RAD51AP1: variants seen among roughly 807,000 people sequenced by gnomAD.
RAD51AP1 encodes the protein RAD51-associated protein 1.
Under a neutral mutation model 34.3 loss-of-function variants are expected in RAD51AP1, and 14 were observed. That is an observed-to-expected ratio of 0.41 (90% confidence interval 0.27 to 0.64). RAD51AP1 has a LOEUF of 0.64. RAD51AP1 is among the 30% of genes least tolerant of loss of function. The pLI, the probability that RAD51AP1 is intolerant of heterozygous loss-of-function variation, is 0.33. For synonymous variants in RAD51AP1, 114 were observed against 129.8 expected, an observed-to-expected ratio of 0.88 and a Z score of 0.83; for missense variants, 348 against 386.9, an observed-to-expected ratio of 0.90 and a Z score of 0.84.
At chr12:4,541,803 A>G in intron 1 of RAD51AP1, 81 bp from the exon 2 acceptor site, 1 of 525,484 alleles carries the variant, frequency 1.9e-6, no homozygotes, top group Non-Finnish European at 3.2e-6. Flanking sequence ...AAATAAATAA[A>G]TAATATTCAT....
At chr12:4,540,553 TAAA>T (rs34322898) in intron 1 of RAD51AP1, among the ~76,000 whole-genome samples, 5 of 125,268 alleles carry the variant, frequency 4.0e-5, no homozygotes, top group East Asian at 2.4e-4. Context: ...CTCTTAAAAG[TAAA>T]AAAAAAAAAA....
Position 4,553,715 on chromosome 12 carries a change from A to G in RAD51AP1, c.721+568A>G, listed in dbSNP as rs551732408. On this transcript the variant is annotated intron_variant, in intron 7 of 8. Transcript: ENST00000352618. The stretch of plus-strand genomic sequence containing the variant: ...GATAAAACGTTTAAAATTTATGGTG[A>G]CTCGAACATGGAATACCTGTTTCTT... Among the ~76,000 whole-genome samples the G allele has an allele frequency of 2.0e-5, 3 of 151,688 alleles. No individual in the cohort carries two copies. The East Asian group carries it at 5.8e-4, about 29-fold the overall frequency.
rs147926434 is a variant in RAD51AP1, at chr12:4,538,955, A to G, written c.16A>G (p.Arg6Gly). The change falls in exon 1 of 9, where the codon AGA becomes GGA. Residue 6 changes from arginine (R) to glycine (G), a missense_variant and splice_region_variant. Coordinates refer to ENST00000352618, the MANE Select transcript of RAD51AP1 (RefSeq NM_006479.5). The stretch of plus-strand genomic sequence containing the variant: ...GAAAGGGACCATGGTGCGGCCTGTG[A>G]GGTGGGTAGTTCCTGACATTCGTCG... MVRPV[R>G]HKKPVNYSQF... 6 of 1,613,980 alleles carry G rather than the reference A, an allele frequency of 3.7e-6. No homozygotes were observed. The African/African-American group carries it at 8.0e-5, about 22-fold the overall frequency.
At chr12:4,554,916 G>T (rs372883449) in intron 7 of RAD51AP1, among the ~76,000 whole-genome samples, 1 of 152,254 alleles carries the variant, frequency 6.6e-6, no homozygotes, top group East Asian at 1.9e-4. Context: ...TTAAAAATCA[G>T]TTCCTCAGTT....
intron 7 of RAD51AP1, among the ~76,000 whole-genome samples, chr12:4,553,872 C>G (rs943359297): frequency 6.6e-6 from 1 of 151,920 alleles, no homozygotes; most frequent in African/African-American, 2.4e-5. Flanking sequence ...AATATATATG[C>G]TATTGATATT....
At chr12:4,553,997 T>C (rs1258766177) in intron 7 of RAD51AP1, among the ~76,000 whole-genome samples, 3 of 152,194 alleles carry the variant, frequency 2.0e-5, no homozygotes, top group Non-Finnish European at 4.4e-5. Flanking sequence ...GATTGAGTTA[T>C]ATTCTTCTCT....
chr12:4,558,761 T>C lies in RAD51AP1; in HGVS notation c.872-96T>C, dbSNP rs1174231567. ...TGATAGACACTGGAAAGCAGAATAA[T>C]GCTTAACTACCTTTTTTTTGCTGCT... On this transcript the variant is annotated intron_variant, in intron 8 of 8. Transcript: ENST00000352618. 42 of 1,444,696 alleles carry C rather than the reference T, an allele frequency of 2.9e-5. No homozygotes were observed. The East Asian group carries it at 8.9e-4, about 31-fold the overall frequency. The allele number at this position is 1,444,696 out of a possible 1,614,324, so 89.5% of individuals were successfully genotyped here.
At position 4,556,503 on chromosome 12, in the gene RAD51AP1, G is replaced by A. The variant is rs371887719; in HGVS notation, c.871+1G>A. 1.2e-6 allele frequency: 2 copies of A among 1,611,622 alleles called. No individual in the cohort carries two copies. Among genetic ancestry groups the A allele is most frequent in the African/African-American group, 2.7e-5 (2 of 74,712 alleles). ...AAGAAACCTAAATGGGTCCCACCAG[G>A]TATGGCATATTTATCATCAAGGACA... On this transcript the variant is annotated splice_donor_variant, in intron 8 of 8. Coordinates refer to ENST00000352618, the MANE Select transcript of RAD51AP1 (RefSeq NM_006479.5). LOFTEE classifies it high-confidence loss of function.
chr12:4,545,847 A>C (rs1453445894), intron 3 of RAD51AP1: 1 of 1,609,816 alleles, frequency 6.2e-7, no homozygotes, highest in Non-Finnish European at 8.5e-7. Flanking sequence ...GTGCTTGGTA[A>C]AATATTTGTT....
chr12:4,549,990 C>A (rs184438952), intron 6 of RAD51AP1, among the ~76,000 whole-genome samples: 1 of 152,148 alleles, frequency 6.6e-6, no homozygotes, highest in Non-Finnish European at 1.5e-5. Context: ...CCCCTGCATT[C>A]GCTTGTCCTG....
intron 5 of RAD51AP1, among the ~76,000 whole-genome samples, chr12:4,548,380 C>T (rs930115149): frequency 6.6e-6 from 1 of 152,176 alleles, no homozygotes; most frequent in African/African-American, 2.4e-5. Flanking sequence ...CATAACTACC[C>T]GTGGCTTCTA....
At position 4,553,876 on chromosome 12, in the gene RAD51AP1, T is replaced by C. The variant is rs147944906; in HGVS notation, c.721+729T>C. Among the ~76,000 whole-genome samples the C allele has an allele frequency of 3.7e-4, 57 of 152,312 alleles. No homozygotes were observed. In the East Asian group the frequency reaches 0.01, roughly 28 times the overall value. The stretch of plus-strand genomic sequence containing the variant: ...TTGGTTTATTTAATATATATGCTAT[T>C]GATATTAAAAGTTCCATTATTTAGT... On this transcript the variant is annotated intron_variant, in intron 7 of 8. Transcript: ENST00000352618.
chr12:4,540,345 C>T (rs945892060), intron 1 of RAD51AP1, among the ~76,000 whole-genome samples: 1 of 152,120 alleles, frequency 6.6e-6, no homozygotes, highest in Non-Finnish European at 1.5e-5. Flanking sequence ...GTCTACAGAC[C>T]TCTGTGGGTC....
At chr12:4,546,472 T>G in intron 4 of RAD51AP1, 54 bp downstream of exon 4, 2 of 1,344,898 alleles carry the variant, frequency 1.5e-6, no homozygotes, top group South Asian at 1.2e-5. Context: ...GCTTTTGTGA[T>G]TATTTGTTTG....
intron 2 of RAD51AP1, among the ~76,000 whole-genome samples, chr12:4,543,376 G>C (rs540094908): frequency 6.6e-6 from 1 of 152,058 alleles, no homozygotes; most frequent in Admixed American, 6.5e-5. Context: ...AATGGGCTTT[G>C]AAAAAAGATA....
At chr12:4,545,671 C>A in intron 3 of RAD51AP1, 2 of 1,093,966 alleles carry the variant, frequency 1.8e-6, no homozygotes, top group Non-Finnish European at 2.6e-6. Context: ...CGTTTTCTTC[C>A]TCTTATACTC....
chr12:4,543,189 A>G (rs1270776748), intron 2 of RAD51AP1, among the ~76,000 whole-genome samples: 4 of 152,066 alleles, frequency 2.6e-5, no homozygotes, highest in Non-Finnish European at 5.9e-5. Context: ...CCTCCTGAGT[A>G]GCTGGGATTA....
chr12:4,549,897 A>T (rs1287736316), intron 6 of RAD51AP1, among the ~76,000 whole-genome samples: 1 of 152,170 alleles, frequency 6.6e-6, no homozygotes, highest in Non-Finnish European at 1.5e-5. Context: ...TCTCAGGGAG[A>T]CATTTGCATA....
rs1944609040 is a variant in RAD51AP1, at chr12:4,559,918, TAAA to T, written c.*929_*931del. On this transcript the variant is annotated 3_prime_UTR_variant, in exon 9 of 9. Coordinates refer to ENST00000352618, the MANE Select transcript of RAD51AP1 (RefSeq NM_006479.5). ...CAACTAGCTTCTGATCAATTTTTAA[TAAA>T]AAATTTTCAAATCATGTTAGCTGTT... 6.6e-6 allele frequency: 1 copy of T among 152,202 alleles called. No individual in the cohort carries two copies. Among genetic ancestry groups the T allele is most frequent in the African/African-American group, 2.4e-5 (1 of 41,452 alleles). 9.4% of individuals were successfully genotyped at this position (152,202 alleles called of 1,614,324 possible). A position where few individuals can be genotyped will look rare whatever the true frequency, so the allele number is the denominator to read the frequency against.
Sources: gnomAD v4.1 joint callset for allele counts (sites outside exome capture counted in the v4.1 genomes callset) on GRCh38, gnomAD v4.1.1 for gene constraint, MANE v1.5 for transcripts, NCBI Gene and HGNC (gene_info 2026-07-23, HGNC 2026-07-21) for gene names.